Variants in ZNF429 observed in about 807,000 individuals in gnomAD.
ZNF429 encodes the protein zinc finger protein 429.
ZNF429 carries 53 observed loss-of-function variants against 56.8 expected under a neutral mutation model. That is an observed-to-expected ratio of 0.93 (90% CI 0.75 to 1.17). The LOEUF (loss-of-function observed/expected upper bound fraction) is 1.17, where lower values mean the gene tolerates loss of function less well. ZNF429 is among the 50% of genes most tolerant of loss of function. The pLI, the probability that ZNF429 is intolerant of heterozygous loss-of-function variation, is 0.00. For synonymous variants in ZNF429, 278 were observed against 264.7 expected (o/e 1.05, Z -0.49); for missense variants, 849 against 788.4 (o/e 1.08, Z -0.92).
At chr19:21,530,311 A>G in intron 2 of ZNF429, among the ~76,000 whole-genome samples, 1 of 152,008 alleles carries the variant, frequency 6.6e-6, no homozygotes, top group African/African-American at 2.4e-5. Flanking sequence ...ACTCTTGATT[A>G]GTGATAATTT....
intron 3 of ZNF429, among the ~76,000 whole-genome samples, chr19:21,531,108 A>AAAAAAAAAACAAAAC: frequency 2.4e-5 from 2 of 83,962 alleles, no homozygotes; most frequent in African/African-American, 1.4e-4. Context: ...CTCCATCTCA[A>AAAAAAAAAACAAAAC]AAAAAAAAAA....
chr19:21,533,570 C>CTTT, intron 3 of ZNF429, among the ~76,000 whole-genome samples: 1 of 137,080 alleles, frequency 7.3e-6, no homozygotes, highest in African/African-American at 2.7e-5. Flanking sequence ...GTTAGTGGTT[C>CTTT]TTTTTTTTTT....
At position 21,537,397 on chromosome 19, in the gene ZNF429, T is replaced by C; in HGVS notation, c.1344T>C (p.Thr448=). 2 of 1,613,590 alleles carry C rather than the reference T, an allele frequency of 1.2e-6. No individual in the cohort carries two copies. Among genetic ancestry groups the C allele is most frequent in the Non-Finnish European group, 1.7e-6 (2 of 1,179,792 alleles). The change falls in exon 4 of 4, where the codon ACT becomes ACC. Residue 448 remains threonine (T), a synonymous_variant. Coordinates refer to ENST00000358491, the MANE Select transcript of ZNF429 (RefSeq NM_001001415.4). ...STLTRHKRIH[T]EEKPYKCNEC... is the part of the protein sequence containing the mutation. ...TTACTAGACATAAGAGAATTCATAC[T>C]GAAGAGAAACCCTATAAATGTAACG... is the stretch of plus-strand genomic sequence containing the variant.
Position 21,535,461 on chromosome 19 carries a change from TTTCTTTCTTTC to T in ZNF429, c.227-816_227-806del. On this transcript the variant is annotated intron_variant, in intron 3 of 3. Coordinates refer to ENST00000358491, the MANE Select transcript of ZNF429 (RefSeq NM_001001415.4). ...CTTTCTTTCTTTCTTTCTTTCTTTC[TTTCTTTCTTTC>T]TTTCTTTCTTTCTTTCTTTCTTTCT... is the stretch of plus-strand genomic sequence containing the variant. Among the ~76,000 whole-genome samples the T allele has an allele frequency of 2.5e-4, 21 of 83,966 alleles. 2 individuals are homozygous for T. Among genetic ancestry groups the T allele is most frequent in the South Asian group, 1.1e-3 (3 of 2,692 alleles). The allele number at this position is 83,966 out of a possible 152,430, so 55.1% of individuals were successfully genotyped here. A position where few individuals can be genotyped will look rare whatever the true frequency, so the allele number is the denominator to read the frequency against.
In ZNF429 at chr19:21,536,620, T is replaced by C. The variant is rs1248756356; in HGVS notation, c.567T>C (p.Thr189=). The C allele has an allele frequency of 6.2e-7, 1 of 1,613,530 alleles. No individual in the cohort carries two copies. The highest frequency in any genetic ancestry group is 8.5e-7 in the Non-Finnish European group (1 of 1,179,844). Residue 189 remains threonine, a synonymous_variant, in exon 4 of 4, where the codon ACT becomes ACC. Transcript: ENST00000358491. ...CATTTTGCATGCTTTCACAACTAACTCAACATAAGAAAATTCATATTAGAG... is the reference window on the plus strand; with the variant it reads ...CATTTTGCATGCTTTCACAACTAACCCAACATAAGAAAATTCATATTAGAG... ...GKSFCMLSQL[T]QHKKIHIREN...
Position 21,505,719 on chromosome 19 carries a change from C to T in ZNF429, c.-53C>T. 1 of 1,598,552 alleles carries T rather than the reference C, an allele frequency of 6.3e-7. No homozygotes were observed. Among genetic ancestry groups the T allele is most frequent in the Non-Finnish European group, 8.5e-7 (1 of 1,169,634 alleles). On this transcript the variant is annotated 5_prime_UTR_variant, in exon 1 of 4. Transcript: ENST00000358491. ...CCAGCCTGTGTGGCCCTGTGACCCG[C>T]AGATATTGGGAGATACACAGCTAAG...
At chr19:21,520,459 T>C (rs551657904) in intron 1 of ZNF429, among the ~76,000 whole-genome samples, 1 of 152,376 alleles carries the variant, frequency 6.6e-6, no homozygotes, top group South Asian at 2.1e-4. Flanking sequence ...TTTGGAAATA[T>C]ATGTAAATCA....
rs560768260 is a variant in ZNF429, at chr19:21,507,218, C to T, written c.3+1444C>T. Among the ~76,000 whole-genome samples, 92 of 152,294 alleles carry T rather than the reference C, an allele frequency of 6.0e-4. 2 individuals are homozygous for T. The highest frequency in any genetic ancestry group is 2.3e-3 in the South Asian group (11 of 4,828). On this transcript the variant is annotated intron_variant, in intron 1 of 3. Coordinates refer to ENST00000358491, the MANE Select transcript of ZNF429 (RefSeq NM_001001415.4). ...AAGCAGGGTCTCAAATCTACTCCCA[C>T]GCCCCCCATTCCTCCAGCCTAACTC...
chr19:21,535,424 C>CTTTTTCTTTTCT, intron 3 of ZNF429, among the ~76,000 whole-genome samples: 1 of 4,552 alleles, frequency 2.2e-4, no homozygotes. Flanking sequence ...TTCTTTCTTT[C>CTTTTTCTTTTCT]TTTCTTTCTT....
chr19:21,529,163 G>A (rs982770999), intron 1 of ZNF429: 2 of 152,268 alleles, frequency 1.3e-5, no homozygotes, highest in Non-Finnish European at 2.9e-5. Flanking sequence ...CAAAAACATT[G>A]GCATTACTGG....
Position 21,538,107 on chromosome 19 carries a change from TACA to T in ZNF429, c.*31_*33del. 1.0e-4 allele frequency: 41 copies of T among 397,088 alleles called. No individual in the cohort carries two copies. In the South Asian group the frequency reaches 1.0e-3, roughly 10 times the overall value. 24.6% of individuals were successfully genotyped at this position (397,088 alleles called of 1,614,324 possible). On this transcript the variant is annotated 3_prime_UTR_variant, in exon 4 of 4. Transcript: ENST00000358491. ...GGTGAAACCCCGTCTCTACTAAAAATACAAAAAAAAAAAAAAAAAAAATTAGCC... is the reference window on the plus strand; with the variant it reads ...GGTGAAACCCCGTCTCTACTAAAAATAAAAAAAAAAAAAAAAAAATTAGCC...
intron 1 of ZNF429, among the ~76,000 whole-genome samples, chr19:21,512,089 G>GGGGAGA (rs374053694): frequency 0.016 from 2,372 of 152,144 alleles, 69 homozygotes; most frequent in African/African-American, 0.054. Context: ...GGGAGACCGT[G>GGGGAGA]GGGAGAGGGA....
At position 21,537,804 on chromosome 19, in the gene ZNF429, A is replaced by G; in HGVS notation, c.1751A>G (p.Lys584Arg). 1 of 1,613,410 alleles carries G rather than the reference A, an allele frequency of 6.2e-7. No homozygotes were observed. The highest frequency in any genetic ancestry group is 1.3e-5 in the African/African-American group (1 of 74,694). The stretch of plus-strand genomic sequence containing the variant: ...CACTCCTCAAACCTTAGTAGTCATA[A>G]GAAAATTCATAGTGGAGAGAAACCC... ...FTHSSNLSSH[K>R]KIHSGEKPYK... Residue 584 changes from lysine (K) to arginine (R), a missense_variant, in exon 4 of 4, where the codon AAG becomes AGG. By Grantham distance (26) the Lys-to-Arg change is conservative. Coordinates refer to ENST00000358491, the MANE Select transcript of ZNF429 (RefSeq NM_001001415.4).
chr19:21,529,888 C>T, intron 2 of ZNF429, 104 bp downstream of exon 2: 1 of 848,740 alleles, frequency 1.2e-6, no homozygotes, highest in Non-Finnish European at 1.7e-6. Flanking sequence ...AAATGAGTTT[C>T]AGATTCCTGC....
At chr19:21,533,596 T>C in intron 3 of ZNF429, among the ~76,000 whole-genome samples, 4 of 152,014 alleles carry the variant, frequency 2.6e-5, no homozygotes, top group Non-Finnish European at 5.9e-5. Flanking sequence ...TCCAAGTATT[T>C]TATTTAAAAT....
intron 1 of ZNF429, among the ~76,000 whole-genome samples, chr19:21,511,322 G>C (rs958645591): frequency 6.6e-6 from 1 of 151,950 alleles, no homozygotes; most frequent in African/African-American, 2.4e-5. Context: ...TGCCCAGATG[G>C]GACGGCTGCC....
chr19:21,506,788 A>C (rs1254358292), intron 1 of ZNF429, among the ~76,000 whole-genome samples: 1 of 54,292 alleles, frequency 1.8e-5, no homozygotes, highest in South Asian at 5.8e-4. Context: ...TTTTTTTTTG[A>C]GATGGAGTTT....
In ZNF429 at chr19:21,536,520, C is replaced by T; in HGVS notation, c.467C>T (p.Ala156Val). The T allele has an allele frequency of 6.2e-7, 1 of 1,612,398 alleles. No homozygotes were observed. Among genetic ancestry groups the T allele is most frequent in the Non-Finnish European group, 8.5e-7 (1 of 1,179,336 alleles). Residue 156 changes from alanine (A) to valine (V), a missense_variant, in exon 4 of 4, where the codon GCA becomes GTA. By Grantham distance (64) the Ala-to-Val change is moderately conservative. Coordinates refer to ENST00000358491, the MANE Select transcript of ZNF429 (RefSeq NM_001001415.4). The stretch of plus-strand genomic sequence containing the variant: ...GATATATATGTAAAAGTCTTTTATG[C>T]ATTTTCAAATGCAGATAGATACAAG... Reference protein sequence around the residue: ...HCDIYVKVFYAFSNADRYKTR... With the variant: ...HCDIYVKVFYVFSNADRYKTR...
Position 21,535,708 on chromosome 19 carries a change from G to GT in ZNF429, c.227-569dup. Among the ~76,000 whole-genome samples the GT allele has an allele frequency of 1.2e-4, 18 of 151,708 alleles. No homozygotes were observed. The East Asian group carries it at 3.5e-3, about 30-fold the overall frequency. On this transcript the variant is annotated intron_variant, in intron 3 of 3. Coordinates refer to ENST00000358491, the MANE Select transcript of ZNF429 (RefSeq NM_001001415.4). ...TTTTTGTATTTTTAGTAGAGACAGG[G>GT]TTTCACCATGTTGGCCAGGCTGGTT... is the stretch of plus-strand genomic sequence containing the variant.
Sources: allele counts gnomAD v4.1 joint callset (sites outside exome capture counted in the v4.1 genomes callset), GRCh38; gene constraint gnomAD v4.1.1; transcripts MANE v1.5; gene names NCBI Gene and HGNC (gene_info 2026-07-23, HGNC 2026-07-21).